ANO1: variants seen among roughly 807,000 people sequenced by gnomAD.
ANO1 encodes the protein anoctamin 1.
Under a neutral mutation model 124.0 loss-of-function variants are expected in ANO1, and 59 were observed. The observed-to-expected ratio is 0.48, with a 90% CI of 0.39 to 0.59. ANO1 has a LOEUF of 0.59. Among genes scored for constraint, ANO1 ranks in the 20% least tolerant of loss-of-function variants. The pLI, the probability that ANO1 is intolerant of heterozygous loss-of-function variation, is 0.00. For missense variants in ANO1, 1,059 were observed against 1,328.0 expected (o/e 0.80, Z 3.15); for synonymous variants, 529 against 532.0 (o/e 0.99, Z 0.08).
the ANO1 span, among the ~76,000 whole-genome samples, chr11:69,976,412 CAGG>C: frequency 6.6e-6 from 1 of 150,544 alleles, no homozygotes; most frequent in African/African-American, 2.5e-5. Context: ...GAGGCTGAGG[CAGG>C]AGAATGGCGT....
At chr11:70,066,408 G>A (rs577227985) in intron 1 of ANO1, among the ~76,000 whole-genome samples, 1 of 152,260 alleles carries the variant, frequency 6.6e-6, no homozygotes, top group East Asian at 1.9e-4. Flanking sequence ...GGGTCCCAGA[G>A]CCCACATGAC....
upstream of ANO1, among the ~76,000 whole-genome samples, chr11:69,985,497 C>A (rs1856020388): frequency 6.6e-6 from 1 of 152,160 alleles, no homozygotes. Context: ...GGGAGGGGGC[C>A]AGGGCGCTCT....
the ANO1 span, among the ~76,000 whole-genome samples, chr11:69,970,960 T>C: frequency 6.6e-6 from 1 of 152,230 alleles, no homozygotes; most frequent in Non-Finnish European, 1.5e-5. Flanking sequence ...TCTTGGAAGC[T>C]GCCCCCTGGC....
At chr11:70,042,850 T>C (rs1857204783) in intron 1 of ANO1, among the ~76,000 whole-genome samples, 1 of 152,206 alleles carries the variant, frequency 6.6e-6, no homozygotes, top group South Asian at 2.1e-4. Context: ...ATGGATTCGA[T>C]GGATTCTAAG....
At chr11:70,130,976 T>G (rs749525682) in intron 10 of ANO1, among the ~76,000 whole-genome samples, 3 of 152,236 alleles carry the variant, frequency 2.0e-5, no homozygotes, top group Non-Finnish European at 4.4e-5. Context: ...GAACCGCTCA[T>G]AGACGGCGCC....
chr11:70,007,705 T>G (rs61886390), intron 1 of ANO1, among the ~76,000 whole-genome samples: 14,039 of 152,296 alleles, frequency 0.092, 993 homozygotes, highest in East Asian at 0.4. Flanking sequence ...CCAATAACGC[T>G]GCAACGAACC....
upstream of ANO1, among the ~76,000 whole-genome samples, chr11:69,984,030 C>A (rs565820369): frequency 2.0e-5 from 3 of 151,926 alleles, no homozygotes; most frequent in South Asian, 6.2e-4. Context: ...TTTTTTTTTC[C>A]CCCTGAGCCT....
intron 1 of ANO1, among the ~76,000 whole-genome samples, chr11:70,012,109 T>C (rs1473449154): frequency 6.6e-6 from 1 of 151,934 alleles, no homozygotes; most frequent in East Asian, 1.9e-4. Flanking sequence ...CATCCACATA[T>C]CCATTTGTCC....
At chr11:69,994,515 A>G (rs1450277538) in intron 1 of ANO1, among the ~76,000 whole-genome samples, 2 of 152,152 alleles carry the variant, frequency 1.3e-5, no homozygotes, top group African/African-American at 2.4e-5. Flanking sequence ...TATATTTTGA[A>G]TAATATAGAT....
chr11:70,017,209 C>G (rs1358019790), intron 1 of ANO1, among the ~76,000 whole-genome samples: 7 of 152,206 alleles, frequency 4.6e-5, no homozygotes, highest in African/African-American at 1.7e-4. Flanking sequence ...GCCAGACGCC[C>G]TAATAATGCT....
chr11:70,120,469 G>C (rs530225024), intron 8 of ANO1, among the ~76,000 whole-genome samples: 55 of 152,260 alleles, frequency 3.6e-4, no homozygotes, highest in African/African-American at 1.3e-3. Flanking sequence ...TTGGGGAGAG[G>C]GGTGGCTTGG....
At chr11:70,166,180 T>C (rs2048246691) in intron 20 of ANO1, among the ~76,000 whole-genome samples, 1 of 151,814 alleles carries the variant, frequency 6.6e-6, no homozygotes, top group South Asian at 2.1e-4. Flanking sequence ...TAGCCGGGCG[T>C]GGTGGCGGGC....
chr11:70,021,340 G>A (rs962352910), intron 1 of ANO1, among the ~76,000 whole-genome samples: 6 of 152,170 alleles, frequency 3.9e-5, no homozygotes, highest in African/African-American at 1.4e-4. Context: ...TAGGCCTCGT[G>A]CATGCGAGGG....
chr11:70,167,125 CAA>C, intron 20 of ANO1, 115 bp from the exon 21 acceptor site: 1 of 1,344,410 alleles, frequency 7.4e-7, no homozygotes, highest in Non-Finnish European at 1.0e-6. Flanking sequence ...CCAGCCTGAG[CAA>C]AAAGAGTGAA....
chr11:70,049,692 T>TTTTGTTTG (rs138005685), intron 1 of ANO1, among the ~76,000 whole-genome samples: 22 of 151,404 alleles, frequency 1.5e-4, no homozygotes, highest in Non-Finnish European at 2.8e-4. Context: ...GTCTATGTTT[T>TTTTGTTTG]TTTGTTTGTT....
chr11:69,978,549 C>T, the ANO1 span, among the ~76,000 whole-genome samples: 1 of 152,184 alleles, frequency 6.6e-6, no homozygotes, highest in Non-Finnish European at 1.5e-5. Context: ...CAGGGTCTTG[C>T]CATGTTTCCC....
intron 2 of ANO1, among the ~76,000 whole-genome samples, chr11:70,102,161 G>A (rs529311897): frequency 2.6e-5 from 4 of 152,332 alleles, no homozygotes; most frequent in Admixed American, 6.5e-5. Context: ...TCTGATCCCC[G>A]ATTAAGAGTG....
At chr11:70,118,023 T>C (rs1296053139) in intron 8 of ANO1, among the ~76,000 whole-genome samples, 3 of 152,194 alleles carry the variant, frequency 2.0e-5, no homozygotes, top group Non-Finnish European at 4.4e-5. Context: ...TCCACAGGCC[T>C]GTCCTGACCA....
At chr11:70,018,456 C>T (rs556652517) in intron 1 of ANO1, 1 of 152,166 alleles carries the variant, frequency 6.6e-6, no homozygotes, top group Non-Finnish European at 1.5e-5. Context: ...CTGGTCCTAG[C>T]TCTCAAGCCG....
Sources: allele counts gnomAD v4.1 joint callset (sites outside exome capture counted in the v4.1 genomes callset), GRCh38; gene constraint gnomAD v4.1.1; transcripts MANE v1.5; gene names NCBI Gene and HGNC (gene_info 2026-07-23, HGNC 2026-07-21).